ATP11B: variants seen among roughly 807,000 people sequenced by gnomAD.
The protein encoded by ATP11B is phospholipid-transporting ATPase IF.
Under a neutral mutation model 157.8 loss-of-function variants are expected in ATP11B, and 81 were observed. The ratio of observed to expected loss-of-function variants is 0.51; its 90% CI spans 0.43 to 0.62. ATP11B has a LOEUF of 0.62. Among genes scored for constraint, ATP11B ranks in the 20% least tolerant of loss-of-function variants. The pLI, the probability that ATP11B is intolerant of heterozygous loss-of-function variation, is 0.00. For synonymous variants in ATP11B, 451 were observed against 469.4 expected, an observed-to-expected ratio of 0.96 and a Z score of 0.51; for missense variants, 1,165 against 1,402.2, an observed-to-expected ratio of 0.83 and a Z score of 2.70.
chr3:182,859,825 C>G (rs577828637), intron 12 of ATP11B, among the ~76,000 whole-genome samples: 90 of 152,152 alleles, frequency 5.9e-4, no homozygotes, highest in African/African-American at 2.2e-3. Context: ...GTTATTTGCT[C>G]TGTTTTTTCA....
At chr3:182,823,591 A>G (rs1346041470) in intron 2 of ATP11B, among the ~76,000 whole-genome samples, 2 of 152,124 alleles carry the variant, frequency 1.3e-5, no homozygotes, top group African/African-American at 4.8e-5. Context: ...TTGTCTTGGC[A>G]ATGCGGGCTC....
chr3:182,865,733 A>G lies in ATP11B; in HGVS notation c.1443+35A>G, dbSNP rs554892908. ...TTTTAAATTAATAAATAAGGGTTTC[A>G]TATGAAATAATTCTCTTCAGTAGTT... On this transcript the variant is annotated intron_variant, in intron 13 of 29. Transcript: ENST00000323116. 2.6e-6 allele frequency: 4 copies of G among 1,537,036 alleles called. No individual in the cohort carries two copies. In the East Asian group the frequency reaches 9.5e-5, roughly 37 times the overall value.
At position 182,793,564 on chromosome 3, in the gene ATP11B, G is replaced by T. The variant is rs959362236; in HGVS notation, c.-196G>T. Reference sequence around the variant, plus strand: ...AGCTGCGCCGGGCGGGGGCGGCGCCGGGGCCGCGCCTGTAGGACTCGGGGC... The same window carrying T: ...AGCTGCGCCGGGCGGGGGCGGCGCCTGGGCCGCGCCTGTAGGACTCGGGGC... On this transcript the variant is annotated 5_prime_UTR_variant, in exon 1 of 30. Coordinates refer to ENST00000323116, the MANE Select transcript of ATP11B (RefSeq NM_014616.3). 2 of 365,892 alleles carry T rather than the reference G, an allele frequency of 5.5e-6. No individual in the cohort carries two copies. Among genetic ancestry groups the T allele is most frequent in the African/African-American group, 2.1e-5 (1 of 46,832 alleles). The allele number at this position is 365,892 out of a possible 1,614,324, so 22.7% of individuals were successfully genotyped here. A position where few individuals can be genotyped will look rare whatever the true frequency, so the allele number is the denominator to read the frequency against.
chr3:182,812,753 T>A (rs1716749202), intron 1 of ATP11B, among the ~76,000 whole-genome samples: 1 of 152,218 alleles, frequency 6.6e-6, no homozygotes, highest in Non-Finnish European at 1.5e-5. Flanking sequence ...TTTTAACCAT[T>A]TTTAAGTGTA....
At chr3:182,842,396 A>C (rs1719119916) in intron 8 of ATP11B, among the ~76,000 whole-genome samples, 1 of 152,214 alleles carries the variant, frequency 6.6e-6, no homozygotes, top group South Asian at 2.1e-4. Flanking sequence ...CACTAAATGT[A>C]AACAAAGCAT....
At chr3:182,888,999 A>T (rs572496596) in intron 24 of ATP11B, among the ~76,000 whole-genome samples, 24 of 151,916 alleles carry the variant, frequency 1.6e-4, no homozygotes, top group Non-Finnish European at 3.2e-4. Flanking sequence ...AGTAGCTGAG[A>T]CTACAGGCGC....
intron 8 of ATP11B, chr3:182,844,490 T>G (rs1719309538): frequency 2.4e-6 from 2 of 844,112 alleles, no homozygotes; most frequent in East Asian, 1.2e-4. Flanking sequence ...TTGCTATCAC[T>G]AAGAAGATCA....
At chr3:182,831,992 A>C (rs1485632452) in intron 4 of ATP11B, among the ~76,000 whole-genome samples, 1 of 152,080 alleles carries the variant, frequency 6.6e-6, no homozygotes, top group Non-Finnish European at 1.5e-5. Flanking sequence ...AACTTATTGG[A>C]TATTTTTAAA....
Position 182,869,247 on chromosome 3 carries a change from T to C in ATP11B, c.1782T>C (p.Ala594=), listed in dbSNP as rs148910474. The change falls in exon 17 of 30, where the codon GCT becomes GCC. Residue 594 remains alanine (A), a synonymous_variant. Transcript: ENST00000323116. ...QAPSGEKLLF[A]KGAESSILPK... is the part of the protein sequence containing the mutation. ...CTCTAGGTGAGAAGTTATTATTTGCTAAAGGAGCTGAGTCATCAATTCTCC... is the reference window on the plus strand; with the variant it reads ...CTCTAGGTGAGAAGTTATTATTTGCCAAAGGAGCTGAGTCATCAATTCTCC... 1.1e-5 allele frequency: 18 copies of C among 1,609,868 alleles called. No homozygotes were observed. In the Admixed American group the frequency reaches 2.3e-4, roughly 21 times the overall value.
At chr3:182,838,553 A>G (rs867988208) in intron 7 of ATP11B, among the ~76,000 whole-genome samples, 7 of 152,114 alleles carry the variant, frequency 4.6e-5, no homozygotes, top group Non-Finnish European at 1.5e-5. Flanking sequence ...CTTTTATAGT[A>G]GAAAGAAAAC....
intron 1 of ATP11B, among the ~76,000 whole-genome samples, chr3:182,810,829 AC>A (rs1716619887): frequency 6.6e-6 from 1 of 152,328 alleles, no homozygotes; most frequent in South Asian, 2.1e-4. Context: ...GGTATAACTT[AC>A]ATTTTAACAT....
Position 182,880,967 on chromosome 3 carries a change from C to G in ATP11B, c.2495C>G (p.Ala832Gly). The part of the protein sequence containing the change: ...GANDVSMIQE[A>G]HVGIGIMGKE... Reference sequence around the variant, plus strand: ...AATGACGTAAGCATGATACAAGAAGCCCATGTTGGCATAGGTGATTGATTC... The same window carrying G: ...AATGACGTAAGCATGATACAAGAAGGCCATGTTGGCATAGGTGATTGATTC... The change falls in exon 21 of 30, where the codon GCC becomes GGC. Residue 832 changes from alanine to glycine, a missense_variant. Transcript: ENST00000323116. The G allele has an allele frequency of 1.3e-6, 2 of 1,588,544 alleles. No homozygotes were observed. The highest frequency in any genetic ancestry group is 1.7e-6 in the Non-Finnish European group (2 of 1,168,808).
chr3:182,917,287 C>G, intron 29 of ATP11B: 1 of 985,278 alleles, frequency 1.0e-6, no homozygotes, highest in Non-Finnish European at 1.2e-6. Context: ...CTAATACTGT[C>G]CTTGAACTAG....
chr3:182,847,136 T>A (rs146595305), intron 9 of ATP11B, among the ~76,000 whole-genome samples: 5,199 of 151,136 alleles, frequency 0.034, 308 homozygotes, highest in African/African-American at 0.12. Context: ...TTGCAACCTC[T>A]GCCTCCCGGG....
At chr3:182,907,325 G>A (rs1560130731) in intron 28 of ATP11B, among the ~76,000 whole-genome samples, 1 of 152,180 alleles carries the variant, frequency 6.6e-6, no homozygotes, top group African/African-American at 2.4e-5. Context: ...TCATATGGGA[G>A]AAGCAGTGAT....
intron 13 of ATP11B, 129 bp from the exon 14 acceptor site, chr3:182,866,139 C>CAA: frequency 1.5e-6 from 1 of 669,110 alleles, no homozygotes; most frequent in East Asian, 3.2e-5. Context: ...AAGGCAGAAA[C>CAA]AACCAACTGT....
intron 28 of ATP11B, chr3:182,902,510 C>G (rs1394567609): frequency 2.2e-5 from 29 of 1,289,164 alleles, no homozygotes; most frequent in Non-Finnish European, 2.4e-5. Context: ...CTTTAAGTGA[C>G]GAGTTCATCG....
intron 19 of ATP11B, 60 bp from the exon 20 acceptor site, chr3:182,879,436 G>T: frequency 7.1e-7 from 1 of 1,417,564 alleles, no homozygotes; most frequent in South Asian, 1.5e-5. Context: ...TGTTCTATAT[G>T]AGTGTAAATA....
intron 4 of ATP11B, among the ~76,000 whole-genome samples, chr3:182,833,334 A>T (rs1425855922): frequency 6.6e-6 from 1 of 152,086 alleles, no homozygotes; most frequent in Non-Finnish European, 1.5e-5. Flanking sequence ...CTATGTCCTT[A>T]ATTTTATCTT....
Sources: allele counts gnomAD v4.1 joint callset (sites outside exome capture counted in the v4.1 genomes callset), GRCh38; gene constraint gnomAD v4.1.1; transcripts MANE v1.5; gene names NCBI Gene and HGNC (gene_info 2026-07-23, HGNC 2026-07-21).